The following SH3RF1 variants were observed in gnomAD, a reference collection of about 807,000 sequenced individuals.
SH3RF1 encodes the protein E3 ubiquitin-protein ligase SH3RF1.
SH3RF1 carries 32 observed loss-of-function variants against 74.0 expected under a neutral mutation model. The ratio of observed to expected loss-of-function variants is 0.43; its 90% confidence interval spans 0.33 to 0.58. The LOEUF (loss-of-function observed/expected upper bound fraction) is 0.58. Ranked by LOEUF, SH3RF1 falls within the 20% of genes least tolerant of loss-of-function variation. The probability of loss-of-function intolerance (pLI) is 0.05; values close to 1 mark genes in which losing one functional copy is unlikely to be tolerated. For synonymous variants in SH3RF1, 396 were observed against 439.6 expected, an observed-to-expected ratio of 0.90 and a Z score of 1.24; for missense variants, 954 against 1,130.9, an observed-to-expected ratio of 0.84 and a Z score of 2.24.
chr4:169,250,877 T>G (rs1731093322), intron 2 of SH3RF1, among the ~76,000 whole-genome samples: 1 of 152,112 alleles, frequency 6.6e-6, no homozygotes, highest in African/African-American at 2.4e-5. Flanking sequence ...GAGACCAAAC[T>G]GAAGGAAAGG....
intron 3 of SH3RF1, 144 bp from the exon 4 acceptor site, chr4:169,155,719 T>C (rs1260694915): frequency 1.5e-6 from 1 of 647,596 alleles, no homozygotes; most frequent in Admixed American, 2.8e-5. Flanking sequence ...AGTACATGGA[T>C]TAAATGTTTT....
intron 2 of SH3RF1, among the ~76,000 whole-genome samples, chr4:169,199,270 G>A (rs924411256): frequency 8.5e-5 from 13 of 152,154 alleles, no homozygotes; most frequent in African/African-American, 3.1e-4. Flanking sequence ...CAATTTCTAC[G>A]TTTAGAAAAA....
intron 6 of SH3RF1, among the ~76,000 whole-genome samples, chr4:169,125,027 G>A (rs1733501934): frequency 1.3e-5 from 2 of 152,122 alleles, no homozygotes; most frequent in Non-Finnish European, 2.9e-5. Context: ...TCTAGAAAAT[G>A]ACACAAAATT....
chr4:169,139,272 G>C (rs1172539288), intron 4 of SH3RF1, among the ~76,000 whole-genome samples: 1 of 152,142 alleles, frequency 6.6e-6, no homozygotes, highest in Non-Finnish European at 1.5e-5. Flanking sequence ...TGAATAATGT[G>C]CTTGGTGTTA....
At chr4:169,166,781 G>A (rs1055248115) in intron 2 of SH3RF1, 5 of 202,530 alleles carry the variant, frequency 2.5e-5, no homozygotes, top group Non-Finnish European at 4.6e-5. Flanking sequence ...CTACCGGCTC[G>A]TTACTTTGAC....
In SH3RF1 at chr4:169,156,485, C is replaced by T; in HGVS notation, c.588G>A (p.Gln196=). 6.2e-7 allele frequency: 1 copy of T among 1,613,910 alleles called. No individual in the cohort carries two copies. Among genetic ancestry groups the T allele is most frequent in the Non-Finnish European group, 8.5e-7 (1 of 1,179,862 alleles). ...AAAGTGCTTTGCACTGAGGTGGGGG[C>T]TGAGGTAACGGTTTAATAATCTGCA... is the stretch of plus-strand genomic sequence containing the variant. ...NFVQIIKPLP[Q]PPPQCKALYD... Residue 196 remains glutamine, a synonymous_variant, in exon 3 of 12, where the codon CAG becomes CAA. Coordinates refer to ENST00000284637, the MANE Select transcript of SH3RF1 (RefSeq NM_020870.4).
intron 4 of SH3RF1, among the ~76,000 whole-genome samples, chr4:169,149,653 T>C (rs1733945522): frequency 6.6e-6 from 1 of 152,186 alleles, no homozygotes. Context: ...ACACAGTAAT[T>C]CCCTCTTCCC....
intron 2 of SH3RF1, among the ~76,000 whole-genome samples, chr4:169,189,630 T>C (rs1455176961): frequency 1.3e-5 from 2 of 152,170 alleles, no homozygotes; most frequent in Non-Finnish European, 2.9e-5. Context: ...GCCTATGCTG[T>C]TAGAGAAAGT....
chr4:169,248,993 C>T (rs1731054131), intron 2 of SH3RF1, among the ~76,000 whole-genome samples: 1 of 152,096 alleles, frequency 6.6e-6, no homozygotes, highest in Non-Finnish European at 1.5e-5. Flanking sequence ...TTTGGGAGGC[C>T]GAGGTGGGCA....
At chr4:169,181,121 G>A (rs1030705165) in intron 2 of SH3RF1, among the ~76,000 whole-genome samples, 8 of 152,192 alleles carry the variant, frequency 5.3e-5, no homozygotes, top group East Asian at 3.9e-4. Context: ...ACAGTGAGCC[G>A]TGCTGAAAAT....
chr4:169,188,719 C>A (rs996342857), intron 2 of SH3RF1, among the ~76,000 whole-genome samples: 1 of 152,190 alleles, frequency 6.6e-6, no homozygotes, highest in Non-Finnish European at 1.5e-5. Flanking sequence ...CTGTATACGG[C>A]AGTTCAATAA....
chr4:169,122,345 GAGAAAAAGAATTATAAATCCATAGAACA>G, intron 6 of SH3RF1, 79 bp from the exon 7 acceptor site: 1 of 1,435,892 alleles, frequency 7.0e-7, no homozygotes, highest in East Asian at 2.5e-5. Flanking sequence ...GAAGGTGGGA[GAGAAAAAGAATTATAAATCCATAGAACA>G]AGACTTTAAT....
At chr4:169,104,147 G>T (rs917571246) in intron 11 of SH3RF1, among the ~76,000 whole-genome samples, 6 of 152,174 alleles carry the variant, frequency 3.9e-5, no homozygotes, top group South Asian at 2.1e-4. Flanking sequence ...GAATGCACTG[G>T]GGGAGGGAGG....
chr4:169,173,254 C>G (rs1275515687), intron 2 of SH3RF1, among the ~76,000 whole-genome samples: 1 of 151,992 alleles, frequency 6.6e-6, no homozygotes, highest in Non-Finnish European at 1.5e-5. Flanking sequence ...CCACCTAATC[C>G]CACTCCTACT....
chr4:169,144,025 G>A (rs1733829506), intron 4 of SH3RF1, among the ~76,000 whole-genome samples: 2 of 152,176 alleles, frequency 1.3e-5, no homozygotes, highest in Admixed American at 1.3e-4. Flanking sequence ...TTAGGTCTTT[G>A]TCCTCACTGG....
At chr4:169,183,880 CTT>C (rs1169679341) in intron 2 of SH3RF1, among the ~76,000 whole-genome samples, 2 of 152,028 alleles carry the variant, frequency 1.3e-5, no homozygotes, top group East Asian at 3.8e-4. Flanking sequence ...AGGAAAGAGA[CTT>C]TTTATTTCTA....
intron 2 of SH3RF1, among the ~76,000 whole-genome samples, chr4:169,250,107 C>G (rs568090016): frequency 1.2e-4 from 18 of 152,344 alleles, no homozygotes; most frequent in Middle Eastern, 3.4e-3. Flanking sequence ...CACTTCTCTT[C>G]CTAAGAATAT....
intron 2 of SH3RF1, among the ~76,000 whole-genome samples, chr4:169,238,413 C>T (rs1465449440): frequency 6.6e-6 from 1 of 152,224 alleles, no homozygotes; most frequent in Non-Finnish European, 1.5e-5. Context: ...GCCACAGACA[C>T]TCTGCTGCCC....
intron 2 of SH3RF1, among the ~76,000 whole-genome samples, chr4:169,210,791 G>A (rs1730348934): frequency 6.6e-6 from 1 of 152,168 alleles, no homozygotes; most frequent in African/African-American, 2.4e-5. Context: ...CTATAATGAA[G>A]ACAGTTGTTT....
Sources: allele counts gnomAD v4.1 joint callset (sites outside exome capture counted in the v4.1 genomes callset), GRCh38; gene constraint gnomAD v4.1.1; transcripts MANE v1.5; gene names NCBI Gene and HGNC (gene_info 2026-07-23, HGNC 2026-07-21).